ZNF804A: variants seen among roughly 807,000 people sequenced by gnomAD.
ZNF804A encodes zinc finger protein 804A.
In ZNF804A, 2 loss-of-function variants were observed where a neutral mutation model predicts 16.5. That is an observed-to-expected ratio of 0.12 (90% CI 0.05 to 0.38). The LOEUF is 0.38. Among genes scored for constraint, ZNF804A ranks in the 10% least tolerant of loss-of-function variants. ZNF804A has a pLI of 0.99. For synonymous variants in ZNF804A, 534 were observed against 489.6 expected (o/e 1.09, Z -1.20); for missense variants, 1,473 against 1,390.7 (o/e 1.06, Z -0.94).
intron 1 of ZNF804A, among the ~76,000 whole-genome samples, chr2:184,709,643 AAG>A (rs1432812056): frequency 6.6e-6 from 1 of 151,712 alleles, no homozygotes; most frequent in Non-Finnish European, 1.5e-5. Context: ...ACAATCTAAA[AAG>A]AATTATTTTA....
intron 1 of ZNF804A, among the ~76,000 whole-genome samples, chr2:184,761,676 T>C (rs918467888): frequency 1.3e-5 from 2 of 152,072 alleles, no homozygotes; most frequent in East Asian, 3.9e-4. Flanking sequence ...CAAAAACAAG[T>C]TCTCAACCTC....
rs139632328 is a variant in ZNF804A at position 184,702,684 on chromosome 2, G to A, written c.111+103614G>A. Among the ~76,000 whole-genome samples the A allele has an allele frequency of 5.3e-5, 8 of 152,132 alleles. No homozygotes were observed. In the East Asian group the frequency reaches 7.7e-4, roughly 15 times the overall value. ...ATGTAATGTCACTTTTCTCAGTCAC[G>A]TACATATGTCGTAAAGTATCCAATA... is the stretch of plus-strand genomic sequence containing the variant. On this transcript the variant is annotated intron_variant, in intron 1 of 3. Coordinates refer to ENST00000302277, the MANE Select transcript of ZNF804A (RefSeq NM_194250.2).
intron 1 of ZNF804A, among the ~76,000 whole-genome samples, chr2:184,777,179 C>T (rs1694302122): frequency 6.6e-6 from 1 of 151,538 alleles, no homozygotes; most frequent in Non-Finnish European, 1.5e-5. Flanking sequence ...CTTTCAACCC[C>T]CAAACTATTA....
chr2:184,700,703 A>C (rs559888635), intron 1 of ZNF804A, among the ~76,000 whole-genome samples: 2 of 152,096 alleles, frequency 1.3e-5, no homozygotes, highest in Admixed American at 1.3e-4. Context: ...CATGATAAAT[A>C]TATAGTGTAA....
intron 1 of ZNF804A, among the ~76,000 whole-genome samples, chr2:184,803,529 A>T (rs186838909): frequency 6.6e-6 from 1 of 152,190 alleles, no homozygotes; most frequent in African/African-American, 2.4e-5. Flanking sequence ...TATGTGAATT[A>T]TCATATGTGC....
intron 1 of ZNF804A, among the ~76,000 whole-genome samples, chr2:184,788,908 G>T (rs549216026): frequency 6.6e-6 from 1 of 151,946 alleles, no homozygotes; most frequent in Non-Finnish European, 1.5e-5. Context: ...TCCTTGTTTT[G>T]TCTCAGTTCC....
At chr2:184,923,080 T>C (rs1685555615) in intron 2 of ZNF804A, among the ~76,000 whole-genome samples, 1 of 152,036 alleles carries the variant, frequency 6.6e-6, no homozygotes, top group Admixed American at 6.6e-5. Context: ...TTTTTATTTA[T>C]GTGAATAATA....
At chr2:184,697,959 A>G (rs1692859735) in intron 1 of ZNF804A, among the ~76,000 whole-genome samples, 1 of 151,986 alleles carries the variant, frequency 6.6e-6, no homozygotes, top group Non-Finnish European at 1.5e-5. Flanking sequence ...AACCAAACAT[A>G]TTTACTGTAT....
intron 2 of ZNF804A, among the ~76,000 whole-genome samples, chr2:184,892,480 G>GTT (rs1574259380): frequency 1.2e-5 from 1 of 85,504 alleles, no homozygotes; most frequent in African/African-American, 4.2e-5. Context: ...ACATTGTTGT[G>GTT]TTCTTTTTTT....
At chr2:184,824,883 C>A (rs1298496221) in intron 1 of ZNF804A, among the ~76,000 whole-genome samples, 6 of 151,906 alleles carry the variant, frequency 3.9e-5, no homozygotes, top group Non-Finnish European at 7.4e-5. Context: ...CACAGCATAA[C>A]GACCAAGGTT....
rs1685845428 is a variant in ZNF804A at position 184,938,831 on chromosome 2, G to A, written c.3435G>A (p.Gln1145=). 3 of 1,613,744 alleles carry A rather than the reference G, an allele frequency of 1.9e-6. No homozygotes were observed. Among genetic ancestry groups the A allele is most frequent in the Non-Finnish European group, 2.5e-6 (3 of 1,179,972 alleles). The change falls in exon 4 of 4, where the codon CAG becomes CAA. Residue 1145 remains glutamine (Q), a synonymous_variant. Coordinates refer to ENST00000302277, the MANE Select transcript of ZNF804A (RefSeq NM_194250.2). ...IPALTRTSLP[Q]LSVGPVGPRL... ...CTCTCACCAGAACCTCATTACCTCA[G>A]CTCTCAGTAGGACCAGTAGGACCGA...
At chr2:184,698,684 A>C (rs971682870) in intron 1 of ZNF804A, among the ~76,000 whole-genome samples, 5 of 152,074 alleles carry the variant, frequency 3.3e-5, no homozygotes, top group African/African-American at 1.2e-4. Flanking sequence ...TTGACTCAGC[A>C]GTTCAAGTAT....
At chr2:184,906,043 T>G (rs1291144993) in intron 2 of ZNF804A, among the ~76,000 whole-genome samples, 3 of 152,120 alleles carry the variant, frequency 2.0e-5, no homozygotes, top group Non-Finnish European at 4.4e-5. Context: ...GGAAGAACAG[T>G]TATGGTTTTA....
chr2:184,620,732 G>GTAT (rs1691404483), intron 1 of ZNF804A, among the ~76,000 whole-genome samples: 2 of 151,684 alleles, frequency 1.3e-5, no homozygotes, highest in South Asian at 4.1e-4. Flanking sequence ...AAAATTGTAA[G>GTAT]TGAAATAGAT....
chr2:184,889,620 G>C (rs79688761), intron 2 of ZNF804A, among the ~76,000 whole-genome samples: 1 of 151,570 alleles, frequency 6.6e-6, no homozygotes, highest in Non-Finnish European at 1.5e-5. Context: ...GCATATATTC[G>C]TTTCTTTAAG....
chr2:184,769,975 A>T (rs1036493190), intron 1 of ZNF804A, among the ~76,000 whole-genome samples: 1 of 152,146 alleles, frequency 6.6e-6, no homozygotes, highest in African/African-American at 2.4e-5. Context: ...ACAAAGATAC[A>T]TAAATATTTT....
intron 1 of ZNF804A, among the ~76,000 whole-genome samples, chr2:184,827,726 A>T (rs771235365): frequency 1.3e-5 from 2 of 151,362 alleles, no homozygotes. Flanking sequence ...ATTCATCCAG[A>T]TTATTGGCTG....
intron 1 of ZNF804A, among the ~76,000 whole-genome samples, chr2:184,829,418 T>C (rs1418617700): frequency 6.6e-6 from 1 of 151,978 alleles, no homozygotes; most frequent in Non-Finnish European, 1.5e-5. Flanking sequence ...ATTTTAAATA[T>C]AAGAGTATAA....
intron 1 of ZNF804A, among the ~76,000 whole-genome samples, chr2:184,781,861 C>T (rs1044709760): frequency 1.3e-5 from 2 of 151,756 alleles, no homozygotes; most frequent in East Asian, 1.9e-4. Flanking sequence ...AAAATACCAC[C>T]GACTGGCTTA....
Sources: allele counts gnomAD v4.1 joint callset (sites outside exome capture counted in the v4.1 genomes callset), GRCh38; gene constraint gnomAD v4.1.1; transcripts MANE v1.5; gene names NCBI Gene and HGNC (gene_info 2026-07-23, HGNC 2026-07-21).